The following ZKSCAN5 variants were observed in gnomAD, a reference collection of about 807,000 sequenced individuals.
The protein encoded by ZKSCAN5 is zinc finger protein with KRAB and SCAN domains 5.
A neutral mutation model predicts 60.0 loss-of-function variants in ZKSCAN5; 28 were observed. The ratio of observed to expected loss-of-function variants is 0.47; its 90% CI spans 0.35 to 0.64. ZKSCAN5 has a LOEUF of 0.64. Among genes scored for constraint, ZKSCAN5 ranks in the 30% least tolerant of loss-of-function variants. The probability of loss-of-function intolerance (pLI) is 0.01; values close to 1 mark genes in which losing one functional copy is unlikely to be tolerated. For synonymous variants in ZKSCAN5, 361 were observed against 371.2 expected, an observed-to-expected ratio of 0.97 and a Z score of 0.31; for missense variants, 881 against 1,034.6, an observed-to-expected ratio of 0.85 and a Z score of 2.04.
rs73711300 is a variant in ZKSCAN5 at position 99,519,829 on chromosome 7, C to T, written c.556C>T (p.Leu186Phe). 8.7e-4 allele frequency: 1,408 copies of T among 1,613,900 alleles called. 12 individuals are homozygous for T. In the African/African-American group the frequency reaches 0.016, roughly 19 times the overall value. The change falls in exon 4 of 7, where the codon CTT (leucine) becomes TTT (phenylalanine). Residue 186 changes from leucine (L) to phenylalanine (F), a missense_variant and splice_region_variant. Physicochemically the swap from Leu to Phe is conservative, Grantham distance 22. This residue lies in a region of ZKSCAN5 where 490 missense variants were observed against 554.5 expected (regional missense o/e 0.88). Transcript: ENST00000326775. ...AACCTCTTTTTCTCCTCCCTTAGCCCTTCCTGTTCTCCAAGTTCCTTCCCT... is the reference window on the plus strand; with the variant it reads ...AACCTCTTTTTCTCCTCCCTTAGCCTTTCCTGTTCTCCAAGTTCCTTCCCT... The part of the protein sequence containing the change: ...QKPRLLEENA[L>F]PVLQVPSLPL...
chr7:99,520,869 G>A (rs1401141329), intron 5 of ZKSCAN5, among the ~76,000 whole-genome samples: 12 of 152,022 alleles, frequency 7.9e-5, no homozygotes, highest in African/African-American at 2.7e-4. Flanking sequence ...GCGTGGTGGC[G>A]GGCGCCTATA....
At chr7:99,522,544 G>T in intron 5 of ZKSCAN5, among the ~76,000 whole-genome samples, 1 of 151,408 alleles carries the variant, frequency 6.6e-6, no homozygotes, top group East Asian at 1.9e-4. Flanking sequence ...TACGATCTTG[G>T]CTCACTGCAA....
intron 2 of ZKSCAN5, 24 bp from the exon 3 acceptor site, chr7:99,512,429 A>G (rs367785886): frequency 6.2e-7 from 1 of 1,611,052 alleles, no homozygotes; most frequent in Non-Finnish European, 8.5e-7. Context: ...AACTGTACTG[A>G]TCGGTTTTGG....
intron 2 of ZKSCAN5, among the ~76,000 whole-genome samples, chr7:99,510,841 A>G (rs1800988137): frequency 6.6e-6 from 1 of 152,024 alleles, no homozygotes; most frequent in Non-Finnish European, 1.5e-5. Context: ...CCCAGGCTCA[A>G]GCGATCCTCC....
chr7:99,512,814 T>C (rs909688349), intron 3 of ZKSCAN5, among the ~76,000 whole-genome samples: 2 of 151,548 alleles, frequency 1.3e-5, no homozygotes, highest in Non-Finnish European at 2.9e-5. Context: ...TTTTTTTTTC[T>C]TTTATTTATT....
intron 5 of ZKSCAN5, among the ~76,000 whole-genome samples, chr7:99,525,511 A>G (rs1439173130): frequency 6.6e-6 from 1 of 152,018 alleles, no homozygotes; most frequent in African/African-American, 2.4e-5. Flanking sequence ...ACACACACAC[A>G]CAAGAGAACA....
chr7:99,531,137 T>C lies in ZKSCAN5; in HGVS notation c.1408T>C (p.Leu470=). The C allele has an allele frequency of 6.3e-7, 1 of 1,594,514 alleles. No homozygotes were observed. ...TGACAAAAGAAGTAAGAACACAAAA[T>C]TAAGTGTTAAGAAGAAAATTTCAGA... The part of the protein sequence containing the change: ...CSDKRSKNTK[L]SVKKKISEYS... Residue 470 remains leucine (L), a synonymous_variant, in exon 7 of 7, where the codon TTA becomes CTA. Transcript: ENST00000326775.
chr7:99,509,657 G>A (rs962303209), intron 2 of ZKSCAN5, among the ~76,000 whole-genome samples: 5 of 151,118 alleles, frequency 3.3e-5, no homozygotes, highest in Admixed American at 6.6e-5. Flanking sequence ...TAGTAGAGTC[G>A]GGGTTTCACC....
rs1802052722 is a variant in ZKSCAN5, at chr7:99,531,692, C to T, written c.1963C>T (p.His655Tyr). Residue 655 changes from histidine (H) to tyrosine (Y), a missense_variant, in exon 7 of 7, where the codon CAC becomes TAC. By Grantham distance (83) the His-to-Tyr change is moderately conservative. Coordinates refer to ENST00000326775, the MANE Select transcript of ZKSCAN5 (RefSeq NM_145102.4). ...CCACCTGGCTGGACATCTTCGACTCCACTCCCGAGAGAAATCCCATCAGTG... is the reference window on the plus strand; with the variant it reads ...CCACCTGGCTGGACATCTTCGACTCTACTCCCGAGAGAAATCCCATCAGTG... ...RSHLAGHLRL[H>Y]SREKSHQCRE... The T allele has an allele frequency of 6.2e-7, 1 of 1,614,052 alleles. No homozygotes were observed. Among genetic ancestry groups the T allele is most frequent in the Non-Finnish European group, 8.5e-7 (1 of 1,180,050 alleles).
rs763891998 is a variant in ZKSCAN5 at position 99,532,141 on chromosome 7, A to G, written c.2412A>G (p.Lys804=). ...CTGGTGAGAAACCTTTTCAATGTAA[A>G]GAATGTGGAATGAATTTCAGCTGGA... is the stretch of plus-strand genomic sequence containing the variant. ...IHTGEKPFQC[K]ECGMNFSWSC... is the part of the protein sequence containing the mutation. The change falls in exon 7 of 7, where the codon AAA becomes AAG. Residue 804 remains lysine (K), a synonymous_variant. Coordinates refer to ENST00000326775, the MANE Select transcript of ZKSCAN5 (RefSeq NM_145102.4). 9.9e-6 allele frequency: 16 copies of G among 1,613,904 alleles called. No individual in the cohort carries two copies. Among genetic ancestry groups the G allele is most frequent in the Middle Eastern group, 1.6e-4 (1 of 6,084 alleles).
Position 99,532,507 on chromosome 7 carries a change from A to G in ZKSCAN5, c.*258A>G, listed in dbSNP as rs1452047023. 21 of 343,306 alleles carry G rather than the reference A, an allele frequency of 6.1e-5. No homozygotes were observed. In the Admixed American group the frequency reaches 7.4e-4, roughly 12 times the overall value. 21.3% of individuals were successfully genotyped at this position (343,306 alleles called of 1,614,324 possible). ...ACAAGAAGAGAATCCATGGATGGAC[A>G]TGGTCGAGGAATTCGGAAAGCCTGC... On this transcript the variant is annotated 3_prime_UTR_variant, in exon 7 of 7. Coordinates refer to ENST00000326775, the MANE Select transcript of ZKSCAN5 (RefSeq NM_145102.4).
Position 99,532,258 on chromosome 7 carries a change from T to G in ZKSCAN5, c.*9T>G, listed in dbSNP as rs1228353906. 4 of 1,541,044 alleles carry G rather than the reference T, an allele frequency of 2.6e-6. No homozygotes were observed. The highest frequency in any genetic ancestry group is 3.5e-4 in the Middle Eastern group (2 of 5,698). On this transcript the variant is annotated 3_prime_UTR_variant, in exon 7 of 7. Coordinates refer to ENST00000326775, the MANE Select transcript of ZKSCAN5 (RefSeq NM_145102.4). ...AGGGGTCTCTGTTGTAGAATAGCTC[T>G]TAATTTTAGAGAAACCTTCCTGGAG...
chr7:99,531,198 C>G lies in ZKSCAN5; in HGVS notation c.1469C>G (p.Thr490Ser). 6.2e-7 allele frequency: 1 copy of G among 1,613,910 alleles called. No homozygotes were observed. Among genetic ancestry groups the G allele is most frequent in the Non-Finnish European group, 8.5e-7 (1 of 1,179,996 alleles). The change falls in exon 7 of 7, where the codon ACC (threonine) becomes AGC (serine). Residue 490 changes from threonine to serine, a missense_variant. By Grantham distance (58) the Thr-to-Ser change is moderately conservative. Around this residue, in one of 5 missense-constraint regions of ZKSCAN5, gnomAD observed 490 missense variants for 554.5 expected, o/e 0.88. Coordinates refer to ENST00000326775, the MANE Select transcript of ZKSCAN5 (RefSeq NM_145102.4). The part of the protein sequence containing the change: ...SEADMELSGK[T>S]QRNVSQVQDF... The stretch of plus-strand genomic sequence containing the variant: ...GCAGACATGGAACTATCTGGAAAAA[C>G]CCAAAGAAATGTTTCTCAAGTTCAA...
At chr7:99,514,095 T>C (rs570616366) in intron 3 of ZKSCAN5, among the ~76,000 whole-genome samples, 1 of 152,258 alleles carries the variant, frequency 6.6e-6, no homozygotes, top group African/African-American at 2.4e-5. Context: ...ATTTAGTCCT[T>C]CTAGCAAAAT....
At chr7:99,528,527 A>T (rs1219662753) in intron 6 of ZKSCAN5, among the ~76,000 whole-genome samples, 1 of 152,138 alleles carries the variant, frequency 6.6e-6, no homozygotes, top group Admixed American at 6.6e-5. Flanking sequence ...CCTGGGCTGA[A>T]CTAATCCTCC....
chr7:99,533,499 C>G lies in ZKSCAN5; in HGVS notation c.*1250C>G. On this transcript the variant is annotated 3_prime_UTR_variant, in exon 7 of 7. Coordinates refer to ENST00000326775, the MANE Select transcript of ZKSCAN5 (RefSeq NM_145102.4). Reference sequence around the variant, plus strand: ...TGGTGCCCTGTCCAGTCCCCTCTACCAAGCTGAGACCCCCATCCCCAGCTG... The same window carrying G: ...TGGTGCCCTGTCCAGTCCCCTCTACGAAGCTGAGACCCCCATCCCCAGCTG... 2.4e-6 allele frequency: 1 copy of G among 417,198 alleles called. No individual in the cohort carries two copies. The highest frequency in any genetic ancestry group is 4.2e-6 in the Non-Finnish European group (1 of 235,686). 25.8% of individuals were successfully genotyped at this position (417,198 alleles called of 1,614,324 possible). A position where few individuals can be genotyped will look rare whatever the true frequency, so the allele number is the denominator to read the frequency against.
At chr7:99,524,076 T>C (rs575562734) in intron 5 of ZKSCAN5, among the ~76,000 whole-genome samples, 2 of 151,534 alleles carry the variant, frequency 1.3e-5, no homozygotes, top group Admixed American at 1.3e-4. Flanking sequence ...CCTGGGTTTT[T>C]TTTTTTTTTT....
chr7:99,515,432 A>G (rs1166902297), intron 3 of ZKSCAN5, among the ~76,000 whole-genome samples: 1 of 151,832 alleles, frequency 6.6e-6, no homozygotes, highest in African/African-American at 2.4e-5. Context: ...AACTGCTCAG[A>G]AAAGAAATGG....
rs1802171015 is a variant in ZKSCAN5, at chr7:99,534,524, A to C, written c.*2275A>C. The C allele has an allele frequency of 2.0e-5, 3 of 152,246 alleles. No individual in the cohort carries two copies. Among genetic ancestry groups the C allele is most frequent in the Admixed American group, 6.6e-5 (1 of 15,252 alleles). The allele number at this position is 152,246 out of a possible 1,614,324, so 9.4% of individuals were successfully genotyped here. On this transcript the variant is annotated 3_prime_UTR_variant, in exon 7 of 7. Transcript: ENST00000326775. ...GAAACCCGGTCTCTACTTAAAATAC[A>C]AAAATTAGCTGGGCATAGTGGCGCA... is the stretch of plus-strand genomic sequence containing the variant.
Sources: allele counts gnomAD v4.1 joint callset (sites outside exome capture counted in the v4.1 genomes callset), GRCh38; gene constraint gnomAD v4.1.1; regional missense constraint gnomAD v4.1.1; transcripts MANE v1.5; gene names NCBI Gene and HGNC (gene_info 2026-07-23, HGNC 2026-07-21).